The following PRKD2 variants were observed in gnomAD, a reference collection of about 807,000 sequenced individuals.
The protein encoded by PRKD2 is serine/threonine-protein kinase D2.
A neutral mutation model predicts 86.0 loss-of-function variants in PRKD2; 22 were observed. The ratio of observed to expected loss-of-function variants is 0.26; its 90% CI spans 0.18 to 0.37. The LOEUF (loss-of-function observed/expected upper bound fraction) is 0.37, where lower values mean the gene tolerates loss of function less well. PRKD2 is among the 10% of genes least tolerant of loss of function. The pLI, the probability that PRKD2 is intolerant of heterozygous loss-of-function variation, is 1.00. For missense variants in PRKD2, 818 were observed against 1,199.2 expected (o/e 0.68, Z 4.70); for synonymous variants, 509 against 510.9 (o/e 1.00, Z 0.05).
chr19:46,714,273 C>G, intron 1 of PRKD2: 6 of 1,227,210 alleles, frequency 4.9e-6, no homozygotes, highest in Non-Finnish European at 6.2e-6. Context: ...GGAGCGTGGA[C>G]ACCTCGAATT....
intron 8 of PRKD2, chr19:46,697,468 T>C (rs2053577366): frequency 8.7e-6 from 2 of 230,494 alleles, no homozygotes; most frequent in Non-Finnish European, 1.5e-5. Flanking sequence ...CACTTAGCCC[T>C]CTTCCTCCAG....
At position 46,693,123 on chromosome 19, in the gene PRKD2, C is replaced by G. The variant is rs983884793; in HGVS notation, c.1576+752G>C. Among the ~76,000 whole-genome samples, 1 of 152,118 alleles carries G rather than the reference C, an allele frequency of 6.6e-6. No homozygotes were observed. Among genetic ancestry groups the G allele is most frequent in the Non-Finnish European group, 1.5e-5 (1 of 68,014 alleles). On this transcript the variant is annotated intron_variant, in intron 10 of 17. Coordinates refer to ENST00000291281, the MANE Select transcript of PRKD2 (RefSeq NM_016457.5). This position sits in a 1 kb window ranked among gnomAD's most constrained non-coding sequence, Gnocchi z 4.5. ...CAGATGTCACCTCCTCCAGGAAGCC[C>G]CCCTATATACCCAGATTGGGTCAGG...
rs2053512978 is a variant in PRKD2 at position 46,693,583 on chromosome 19, TGCACCACCACACC to T, written c.1576+279_1576+291del. On this transcript the variant is annotated intron_variant, in intron 10 of 17. Coordinates refer to ENST00000291281, the MANE Select transcript of PRKD2 (RefSeq NM_016457.5). The surrounding 1 kb of genome is among the most constrained non-coding windows in gnomAD (Gnocchi z 4.5). ...TTCCAAGTACCTGGAACTACAGGTG[TGCACCACCACACC>T]TGGCTAATTGTTTTTATTTTTTGTA... 6.6e-6 allele frequency among the ~76,000 whole-genome samples: 1 copy of T among 152,136 alleles called. No individual in the cohort carries two copies.
In PRKD2 at chr19:46,680,836, G is replaced by A. The variant is rs777946750; in HGVS notation, c.2070+814C>T. 1.0e-4 allele frequency among the ~76,000 whole-genome samples: 14 copies of A among 135,518 alleles called. No individual in the cohort carries two copies. In the Middle Eastern group the frequency reaches 0.014, roughly 140 times the overall value. The allele number at this position is 135,518 out of a possible 152,430, so 88.9% of individuals were successfully genotyped here. A position where few individuals can be genotyped will look rare whatever the true frequency, so the allele number is the denominator to read the frequency against. ...TTCCCATCTTGGCCTCCCAAAGTGCGGGGATTATAGGCATGAGCCACCTCC... is the reference window on the plus strand; with the variant it reads ...TTCCCATCTTGGCCTCCCAAAGTGCAGGGATTATAGGCATGAGCCACCTCC... On this transcript the variant is annotated intron_variant, in intron 15 of 17. Transcript: ENST00000291281.
intron 7 of PRKD2, 147 bp from the exon 8 acceptor site, chr19:46,697,997 C>T (rs945372754): frequency 1.8e-5 from 12 of 655,484 alleles, no homozygotes; most frequent in Non-Finnish European, 3.2e-5. Context: ...CCAACACACA[C>T]CCGGGAGTTG....
rs1392547799 is a variant in PRKD2, at chr19:46,700,962, C to T, written c.968-10G>A. 6.2e-6 allele frequency: 10 copies of T among 1,614,064 alleles called. No homozygotes were observed. The East Asian group carries it at 1.1e-4, about 18-fold the overall frequency. On this transcript the variant is annotated splice_polypyrimidine_tract_variant and intron_variant, in intron 6 of 17. Transcript: ENST00000291281. ...TCCTCCATCGGCACATCTGTGGGGA[C>T]GGAGGCATCAGAGGGGTCTCCACCC...
chr19:46,697,016 G>A, intron 9 of PRKD2, 141 bp downstream of exon 9: 1 of 746,184 alleles, frequency 1.3e-6, no homozygotes, highest in South Asian at 1.5e-5. Context: ...ACTTGCTGAT[G>A]AGCTGGAAGC....
chr19:46,682,114 C>T (rs2053317012), intron 14 of PRKD2, among the ~76,000 whole-genome samples: 1 of 152,140 alleles, frequency 6.6e-6, no homozygotes, highest in African/African-American at 2.4e-5. Context: ...TCAAGTGAGT[C>T]TCCTGCCTCA....
rs1421391549 is a variant in PRKD2, at chr19:46,693,774, C to T, written c.1576+101G>A. ...TGAGTCCAGAAGCTGCGTTCTCAAC[C>T]CCACCATTGCCCACTTTCCTCTTTG... On this transcript the variant is annotated intron_variant, in intron 10 of 17. Transcript: ENST00000291281. This position sits in a 1 kb window ranked among gnomAD's most constrained non-coding sequence, Gnocchi z 4.5. The T allele has an allele frequency of 2.0e-6, 3 of 1,470,088 alleles. No individual in the cohort carries two copies. The highest frequency in any genetic ancestry group is 1.4e-5 in the African/African-American group (1 of 71,098). 91.1% of individuals were successfully genotyped at this position (1,470,088 alleles called of 1,614,324 possible).
chr19:46,675,700 C>G (rs2053190257), intron 16 of PRKD2, among the ~76,000 whole-genome samples: 1 of 152,196 alleles, frequency 6.6e-6, no homozygotes, highest in Admixed American at 6.5e-5. Context: ...CTGCCTTGGC[C>G]TCCCAAATTG....
intron 9 of PRKD2, 59 bp from the exon 10 acceptor site, chr19:46,694,192 C>A: frequency 6.3e-7 from 1 of 1,586,716 alleles, no homozygotes; most frequent in South Asian, 1.1e-5. Flanking sequence ...AATTCTAGTG[C>A]TTACCCAGAA....
intron 5 of PRKD2, among the ~76,000 whole-genome samples, chr19:46,701,316 G>A (rs572069773): frequency 2.0e-5 from 3 of 151,586 alleles, no homozygotes; most frequent in Non-Finnish European, 4.4e-5. Context: ...AAGTAGGAGG[G>A]CTAGACTCAA....
chr19:46,696,209 C>T (rs2053555103), intron 9 of PRKD2, among the ~76,000 whole-genome samples: 1 of 152,128 alleles, frequency 6.6e-6, no homozygotes, highest in African/African-American at 2.4e-5. Flanking sequence ...ATGGAAAGTT[C>T]AAGGAAGACG....
Position 46,716,314 on chromosome 19 carries a change from AGACCCCGGCCCGGGAGAGCCAGG to A in PRKD2, c.34_56del (p.Pro12SerfsTer64). On this transcript the variant is annotated frameshift_variant, in exon 1 of 18. Coordinates refer to ENST00000291281, the MANE Select transcript of PRKD2 (RefSeq NM_016457.5). LOFTEE classifies it high-confidence loss of function. The surrounding 1 kb of genome is among the most constrained non-coding windows in gnomAD (Gnocchi z 7.9). ...GCTCTAGGCCGCCGGGGGGCGGAGG[AGACCCCGGCCCGGGAGAGCCAGG>A]GAGCCCGGCGGGATAAGAGGGGGCG... The A allele has an allele frequency of 6.6e-7, 1 of 1,513,814 alleles. No individual in the cohort carries two copies. Among genetic ancestry groups the A allele is most frequent in the South Asian group, 1.3e-5 (1 of 79,224 alleles). 93.8% of individuals were successfully genotyped at this position (1,513,814 alleles called of 1,614,324 possible). A position where few individuals can be genotyped will look rare whatever the true frequency, so the allele number is the denominator to read the frequency against.
At chr19:46,697,478 G>A (rs2053577637) in intron 8 of PRKD2, 1 of 424,296 alleles carries the variant, frequency 2.4e-6, no homozygotes, top group Non-Finnish European at 4.1e-6. Flanking sequence ...TCTTCCTCCA[G>A]CCAAGCTCCT....
intron 10 of PRKD2, among the ~76,000 whole-genome samples, chr19:46,692,944 T>C (rs1182930544): frequency 6.6e-6 from 1 of 152,192 alleles, no homozygotes; most frequent in African/African-American, 2.4e-5. Context: ...TCGTTGCTTG[T>C]ATGGGTTAAT....
chr19:46,710,708 GC>G, intron 3 of PRKD2, 198 bp downstream of exon 3: 1 of 631,058 alleles, frequency 1.6e-6, no homozygotes, highest in Non-Finnish European at 2.6e-6. Context: ...CTAGACCTGA[GC>G]CCCGGCCCAG....
chr19:46,712,342 A>G (rs1326554053), intron 2 of PRKD2, among the ~76,000 whole-genome samples: 2 of 151,966 alleles, frequency 1.3e-5, no homozygotes, highest in Non-Finnish European at 2.9e-5. Flanking sequence ...GCAGTTCGAG[A>G]CCAGCCTGGC....
intron 13 of PRKD2, 100 bp from the exon 14 acceptor site, chr19:46,689,798 T>C: frequency 7.1e-7 from 1 of 1,405,982 alleles, no homozygotes; most frequent in South Asian, 1.3e-5. Flanking sequence ...AGGAGAAGGA[T>C]GTCCCTGGGG....
Sources: gnomAD v4.1 joint callset for allele counts (sites outside exome capture counted in the v4.1 genomes callset) on GRCh38, gnomAD v4.1.1 for gene constraint, Gnocchi (gnomAD v3.1) non-coding constraint, MANE v1.5 for transcripts, NCBI Gene and HGNC (gene_info 2026-07-23, HGNC 2026-07-21) for gene names.